TMEM132D: variants seen among roughly 807,000 people sequenced by gnomAD.
TMEM132D encodes transmembrane protein 132D.
Under a neutral mutation model 62.3 loss-of-function variants are expected in TMEM132D, and 21 were observed. That is an observed-to-expected ratio of 0.34 (90% CI 0.24 to 0.49). The LOEUF is 0.49. Ranked by LOEUF, TMEM132D falls within the 20% of genes least tolerant of loss-of-function variation. TMEM132D has a pLI of 0.99. For synonymous variants in TMEM132D, 621 were observed against 575.6 expected (o/e 1.08, Z -1.13); for missense variants, 1,346 against 1,402.8 (o/e 0.96, Z 0.65).
intron 2 of TMEM132D, among the ~76,000 whole-genome samples, chr12:129,585,766 A>G (rs560534207): frequency 9.2e-5 from 14 of 152,062 alleles, no homozygotes; most frequent in Non-Finnish European, 1.9e-4. Context: ...TCAAAATGAA[A>G]GTATCATATA....
chr12:129,876,249 A>G (rs1874413937), intron 1 of TMEM132D, among the ~76,000 whole-genome samples: 1 of 152,206 alleles, frequency 6.6e-6, no homozygotes, highest in Non-Finnish European at 1.5e-5. Context: ...CTGGTGATCT[A>G]AACTCGGGTC....
At chr12:129,083,128 A>G (rs956884608) in intron 6 of TMEM132D, among the ~76,000 whole-genome samples, 9 of 152,204 alleles carry the variant, frequency 5.9e-5, no homozygotes, top group African/African-American at 2.2e-4. Context: ...CTAACATGAC[A>G]AGGCTAGGGA....
At chr12:129,663,391 G>A (rs111479889) in intron 2 of TMEM132D, among the ~76,000 whole-genome samples, 4 of 152,326 alleles carry the variant, frequency 2.6e-5, no homozygotes, top group African/African-American at 9.6e-5. Context: ...ACCCACCTCA[G>A]CCTTCCAAAG....
chr12:129,295,290 A>G (rs970176913), intron 4 of TMEM132D, among the ~76,000 whole-genome samples: 26 of 151,858 alleles, frequency 1.7e-4, no homozygotes, highest in Admixed American at 6.6e-5. Flanking sequence ...TACACACTAC[A>G]GAACACTGCC....
intron 4 of TMEM132D, among the ~76,000 whole-genome samples, chr12:129,244,247 G>A (rs527528058): frequency 1.3e-4 from 20 of 151,872 alleles, no homozygotes; most frequent in African/African-American, 3.1e-4. Flanking sequence ...TTAGCCGGGT[G>A]TGGTGGCGGG....
intron 3 of TMEM132D, among the ~76,000 whole-genome samples, chr12:129,409,202 G>T (rs1871890403): frequency 6.6e-6 from 1 of 152,054 alleles, no homozygotes; most frequent in African/African-American, 2.4e-5. Flanking sequence ...CAAAGTGCTG[G>T]GATTACAGGC....
At chr12:129,439,407 G>A (rs908868535) in intron 3 of TMEM132D, among the ~76,000 whole-genome samples, 10 of 152,262 alleles carry the variant, frequency 6.6e-5, no homozygotes, top group Admixed American at 1.3e-4. Flanking sequence ...GCATAAAGGT[G>A]AATGGACATA....
intron 2 of TMEM132D, among the ~76,000 whole-genome samples, chr12:129,557,674 C>G (rs1373453959): frequency 1.3e-5 from 2 of 152,136 alleles, no homozygotes; most frequent in African/African-American, 4.8e-5. Flanking sequence ...TGTGATCACA[C>G]CATTGCACTC....
Position 129,728,739 on chromosome 12 carries a change from A to C in TMEM132D, c.80-28041T>G, listed in dbSNP as rs145589944. On this transcript the variant is annotated intron_variant, in intron 1 of 8. Coordinates refer to ENST00000422113, the MANE Select transcript of TMEM132D (RefSeq NM_133448.3). ...CTTCACCTGGTAAAGGGGCTTCTGT[A>C]GTTGCGAAGAGGGAGAAACGCAGCC... Among the ~76,000 whole-genome samples the C allele has an allele frequency of 3.2e-3, 485 of 152,316 alleles. 3 individuals carry two copies. Among genetic ancestry groups the C allele is most frequent in the African/African-American group, 0.011 (457 of 41,566 alleles).
chr12:129,629,812 G>C (rs1450869523), intron 2 of TMEM132D, among the ~76,000 whole-genome samples: 1 of 152,144 alleles, frequency 6.6e-6, no homozygotes, highest in African/African-American at 2.4e-5. Flanking sequence ...TGTGGTGGCT[G>C]CCACATGACC....
chr12:129,073,935 C>CAGATCCTGG lies in TMEM132D; in HGVS notation c.3231_3239dup (p.Gln1078_Leu1080dup). 2 of 1,601,512 alleles carry CAGATCCTGG rather than the reference C, an allele frequency of 1.2e-6. No individual in the cohort carries two copies. Among genetic ancestry groups the CAGATCCTGG allele is most frequent in the Non-Finnish European group, 1.7e-6 (2 of 1,173,588 alleles). On this transcript the variant is annotated inframe_insertion, in exon 9 of 9. Coordinates refer to ENST00000422113, the MANE Select transcript of TMEM132D (RefSeq NM_133448.3). ...GCAGCTCTTTGCAGTCCCCAGGGTC[C>CAGATCCTGG]AGATCCTGGCAGACCCACTTAATGT...
chr12:129,571,999 A>G (rs147165476), intron 2 of TMEM132D, among the ~76,000 whole-genome samples: 3 of 152,346 alleles, frequency 2.0e-5, no homozygotes, highest in Non-Finnish European at 4.4e-5. Flanking sequence ...TGTCCCTGCC[A>G]TGCATGCTAA....
At chr12:129,122,858 C>T (rs536590618) in intron 5 of TMEM132D, among the ~76,000 whole-genome samples, 1 of 152,160 alleles carries the variant, frequency 6.6e-6, no homozygotes, top group Non-Finnish European at 1.5e-5. Context: ...AAACTCATAA[C>T]ACATCACACC....
At chr12:129,325,372 T>G (rs1868871856) in intron 4 of TMEM132D, among the ~76,000 whole-genome samples, 1 of 152,176 alleles carries the variant, frequency 6.6e-6, no homozygotes, top group African/African-American at 2.4e-5. Context: ...AAGGCCTTAC[T>G]GTTGAGGCTG....
Position 129,305,154 on chromosome 12 carries a change from A to G in TMEM132D, c.1299+32480T>C, listed in dbSNP as rs79670578. 9.6e-3 allele frequency among the ~76,000 whole-genome samples: 1,455 copies of G among 152,312 alleles called. 31 individuals are homozygous for G. The highest frequency in any genetic ancestry group is 0.033 in the African/African-American group (1,368 of 41,550). ...AGCCTGATTCATCACTATATCCCCA[A>G]TAACAAGCACAATGCCAGTTTACAT... On this transcript the variant is annotated intron_variant, in intron 4 of 8. Coordinates refer to ENST00000422113, the MANE Select transcript of TMEM132D (RefSeq NM_133448.3).
intron 4 of TMEM132D, among the ~76,000 whole-genome samples, chr12:129,257,445 G>A (rs548701418): frequency 3.3e-5 from 5 of 152,066 alleles, no homozygotes; most frequent in Non-Finnish European, 7.4e-5. Flanking sequence ...TCCTGACCTC[G>A]TGATCTGCCC....
At chr12:129,341,246 T>C (rs1386168974) in intron 3 of TMEM132D, among the ~76,000 whole-genome samples, 1 of 152,242 alleles carries the variant, frequency 6.6e-6, no homozygotes, top group Non-Finnish European at 1.5e-5. Flanking sequence ...ATTTATCTTG[T>C]TGCATTTTGT....
chr12:129,232,583 C>A (rs1157498429), intron 4 of TMEM132D, among the ~76,000 whole-genome samples: 2 of 151,994 alleles, frequency 1.3e-5, no homozygotes, highest in African/African-American at 2.4e-5. Context: ...GTCTTCACCT[C>A]CCAGGGCTTC....
intron 5 of TMEM132D, among the ~76,000 whole-genome samples, chr12:129,177,002 G>A (rs1193896057): frequency 6.6e-6 from 1 of 152,216 alleles, no homozygotes; most frequent in Non-Finnish European, 1.5e-5. Flanking sequence ...TTCAGGCTGA[G>A]AACCTTCTCT....
Sources: allele counts gnomAD v4.1 joint callset (sites outside exome capture counted in the v4.1 genomes callset), GRCh38; gene constraint gnomAD v4.1.1; transcripts MANE v1.5; gene names NCBI Gene and HGNC (gene_info 2026-07-23, HGNC 2026-07-21).